Variants in DOCK3 observed in about 807,000 individuals in gnomAD.
DOCK3 encodes the protein dedicator of cytokinesis protein 3.
In DOCK3, 60 loss-of-function variants were observed where a neutral mutation model predicts 265.6. The observed-to-expected ratio is 0.23, with a 90% CI of 0.18 to 0.28. DOCK3 has a LOEUF of 0.28. Ranked by LOEUF, DOCK3 falls within the 10% of genes least tolerant of loss-of-function variation. The pLI, the probability that DOCK3 is intolerant of heterozygous loss-of-function variation, is 1.00. For missense variants in DOCK3, 1,981 were observed against 2,594.3 expected, an observed-to-expected ratio of 0.76 and a Z score of 5.14; for synonymous variants, 881 against 938.0, an observed-to-expected ratio of 0.94 and a Z score of 1.11.
At chr3:50,818,091 C>A (rs943720340) in intron 2 of DOCK3, among the ~76,000 whole-genome samples, 7 of 152,178 alleles carry the variant, frequency 4.6e-5, no homozygotes, top group African/African-American at 1.7e-4. Context: ...AACCTAGGTT[C>A]CTGAACCTTG....
chr3:50,921,541 CCTT>C (rs1384942250), intron 4 of DOCK3, among the ~76,000 whole-genome samples: 2 of 152,222 alleles, frequency 1.3e-5, no homozygotes, highest in Non-Finnish European at 2.9e-5. Context: ...TCGTCTCAAA[CCTT>C]CTTCTCTCAA....
intron 9 of DOCK3, among the ~76,000 whole-genome samples, chr3:51,131,867 G>T (rs1304355486): frequency 6.6e-6 from 1 of 152,122 alleles, no homozygotes; most frequent in Non-Finnish European, 1.5e-5. Flanking sequence ...GTTAGATCTG[G>T]CATACAGAAA....
At position 50,980,270 on chromosome 3, in the gene DOCK3, C is replaced by G. The variant is rs375437749; in HGVS notation, c.315+46193C>G. Among the ~76,000 whole-genome samples the G allele has an allele frequency of 2.0e-5, 3 of 152,250 alleles. No individual in the cohort carries two copies. In the East Asian group the frequency reaches 5.8e-4, roughly 29 times the overall value. ...GTGATGTATCACATTTATTGGCTTG[C>G]AGATGTTGAATCATGCTTACATTTC... On this transcript the variant is annotated intron_variant, in intron 5 of 52. Coordinates refer to ENST00000266037, the MANE Select transcript of DOCK3 (RefSeq NM_004947.5).
intron 49 of DOCK3, among the ~76,000 whole-genome samples, chr3:51,373,895 C>T (rs1408456980): frequency 6.6e-6 from 1 of 152,194 alleles, no homozygotes; most frequent in Non-Finnish European, 1.5e-5. Context: ...AGGCAGAGGC[C>T]AGGTGCTGGG....
At chr3:50,741,052 G>C (rs2038984896) in intron 1 of DOCK3, among the ~76,000 whole-genome samples, 1 of 151,636 alleles carries the variant, frequency 6.6e-6, no homozygotes, top group Non-Finnish European at 1.5e-5. Context: ...ATGTTCTTTT[G>C]TGTTTGGCTT....
chr3:50,736,832 G>A (rs1410039649), intron 1 of DOCK3, among the ~76,000 whole-genome samples: 8 of 151,848 alleles, frequency 5.3e-5, no homozygotes, highest in Non-Finnish European at 8.8e-5. Flanking sequence ...AAGTAGCTGG[G>A]ACTACAGGTG....
rs528979410 is a variant in DOCK3, at chr3:51,262,675, A to C, written c.2355+2349A>C. 5.9e-5 allele frequency among the ~76,000 whole-genome samples: 9 copies of C among 152,320 alleles called. No individual in the cohort carries two copies. The South Asian group carries it at 1.9e-3, about 32-fold the overall frequency. ...GCAAGGAAGCTAAGAACCTCGAAAAAAGGTTAGAGGAATTGCTAACTACAA... is the reference window on the plus strand; with the variant it reads ...GCAAGGAAGCTAAGAACCTCGAAAACAGGTTAGAGGAATTGCTAACTACAA... On this transcript the variant is annotated intron_variant, in intron 23 of 52. Coordinates refer to ENST00000266037, the MANE Select transcript of DOCK3 (RefSeq NM_004947.5).
At chr3:50,730,066 A>G (rs982971110) in intron 1 of DOCK3, among the ~76,000 whole-genome samples, 3 of 151,792 alleles carry the variant, frequency 2.0e-5, no homozygotes, top group African/African-American at 7.3e-5. Flanking sequence ...CAAGTTCCAG[A>G]TGGTTTCACT....
At chr3:51,312,334 T>G in intron 29 of DOCK3, 142 bp from the exon 30 acceptor site, 1 of 877,240 alleles carries the variant, frequency 1.1e-6, no homozygotes. Flanking sequence ...AAATTCTTGT[T>G]TGCAAAGATA....
At chr3:50,820,076 A>G (rs2044318211) in intron 2 of DOCK3, among the ~76,000 whole-genome samples, 1 of 152,102 alleles carries the variant, frequency 6.6e-6, no homozygotes, top group South Asian at 2.1e-4. Flanking sequence ...TTCCCAAAAA[A>G]CTCATGAATA....
intron 10 of DOCK3, among the ~76,000 whole-genome samples, chr3:51,155,239 C>A (rs1375346564): frequency 6.6e-6 from 1 of 152,074 alleles, no homozygotes; most frequent in African/African-American, 2.4e-5. Flanking sequence ...TCCCAAAGTG[C>A]TGGGATTACA....
At chr3:50,989,384 AG>A (rs1223035757) in intron 5 of DOCK3, among the ~76,000 whole-genome samples, 2 of 152,120 alleles carry the variant, frequency 1.3e-5, no homozygotes, top group African/African-American at 4.8e-5. Flanking sequence ...GCTAGCAGTC[AG>A]GGGGGAGAGG....
chr3:51,056,779 G>GA (rs1429116030), intron 5 of DOCK3, among the ~76,000 whole-genome samples: 5 of 152,012 alleles, frequency 3.3e-5, no homozygotes, highest in Admixed American at 2.6e-4. Context: ...AAGAAAGTGA[G>GA]AAAAAACCCA....
At chr3:51,086,687 A>G (rs957402642) in intron 7 of DOCK3, among the ~76,000 whole-genome samples, 16 of 152,120 alleles carry the variant, frequency 1.1e-4, no homozygotes, top group Admixed American at 4.6e-4. Context: ...AATCCCAGCT[A>G]CTCAGGAGGC....
At chr3:50,927,498 C>T (rs1481773692) in intron 4 of DOCK3, among the ~76,000 whole-genome samples, 1 of 152,138 alleles carries the variant, frequency 6.6e-6, no homozygotes, top group Non-Finnish European at 1.5e-5. Context: ...TCTCATTACA[C>T]ATTGTGTGCT....
intron 1 of DOCK3, among the ~76,000 whole-genome samples, chr3:50,773,615 G>T (rs2041416014): frequency 6.6e-6 from 1 of 152,064 alleles, no homozygotes; most frequent in Non-Finnish European, 1.5e-5. Context: ...ACGAGTAAAA[G>T]AACTGCTGAT....
chr3:51,341,386 G>T lies in DOCK3; in HGVS notation c.3915+1G>T. ...CATTCACTACTTCAACAAAGGCAAG[G>T]TATGCATCATTAGGCAAGCCCTTTA... is the stretch of plus-strand genomic sequence containing the variant. On this transcript the variant is annotated splice_donor_variant, in intron 38 of 52. Transcript: ENST00000266037. LOFTEE classifies it high-confidence loss of function. 1 of 1,613,538 alleles carries T rather than the reference G, an allele frequency of 6.2e-7. No individual in the cohort carries two copies.
chr3:50,860,889 C>G (rs538743245), intron 3 of DOCK3, among the ~76,000 whole-genome samples: 2 of 152,328 alleles, frequency 1.3e-5, no homozygotes, highest in African/African-American at 4.8e-5. Flanking sequence ...AGTCTCTTTC[C>G]TAGGGGTACA....
chr3:50,702,449 C>T (rs148839527), intron 1 of DOCK3, among the ~76,000 whole-genome samples: 28 of 152,194 alleles, frequency 1.8e-4, no homozygotes, highest in Admixed American at 9.8e-4. Flanking sequence ...CTGCAACCTC[C>T]GCCTGCTGAG....
Sources: allele counts gnomAD v4.1 joint callset (sites outside exome capture counted in the v4.1 genomes callset), GRCh38; gene constraint gnomAD v4.1.1; transcripts MANE v1.5; gene names NCBI Gene and HGNC (gene_info 2026-07-23, HGNC 2026-07-21).